CENPE: variants seen among roughly 807,000 people sequenced by gnomAD.
The protein encoded by CENPE is centromere protein E, also known as centromere-associated protein E.
CENPE carries 145 observed loss-of-function variants against 336.1 expected under a neutral mutation model. That is an observed-to-expected ratio of 0.43 (90% CI 0.38 to 0.50). The LOEUF (loss-of-function observed/expected upper bound fraction) is 0.50, where lower values mean the gene tolerates loss of function less well. Ranked by LOEUF, CENPE falls within the 20% of genes least tolerant of loss-of-function variation. The probability of loss-of-function intolerance (pLI) is 0.00; values close to 1 mark genes in which losing one functional copy is unlikely to be tolerated. For missense variants in CENPE, 2,719 were observed against 3,023.3 expected, an observed-to-expected ratio of 0.90 and a Z score of 2.36; for synonymous variants, 1,013 against 984.8, an observed-to-expected ratio of 1.03 and a Z score of -0.54.
At chr4:103,136,380 C>T (rs747705271) in intron 39 of CENPE, 21 bp from the exon 40 acceptor site, 2 of 1,521,234 alleles carry the variant, frequency 1.3e-6, no homozygotes, top group South Asian at 1.2e-5. Flanking sequence ...TGAGAATTCA[C>T]TCAATTTATA....
chr4:103,157,059 C>CAAAAAAAAAAAAAAAAAAAAAA (rs34199706), intron 24 of CENPE, among the ~76,000 whole-genome samples: 1 of 98,038 alleles, frequency 1.0e-5, no homozygotes. Flanking sequence ...TGGCTACTAT[C>CAAAAAAAAAAAAAAAAAAAAAA]AAAAAAAAAA....
At chr4:103,176,082 A>G in intron 14 of CENPE, 34 bp from the exon 15 acceptor site, 4 of 1,310,190 alleles carry the variant, frequency 3.1e-6, no homozygotes, top group Non-Finnish European at 4.2e-6. Context: ...TTGTCCATGA[A>G]CATGTTTACC....
intron 14 of CENPE, among the ~76,000 whole-genome samples, chr4:103,176,554 T>C (rs1000004362): frequency 1.3e-5 from 2 of 152,048 alleles, no homozygotes; most frequent in Admixed American, 1.3e-4. Context: ...GATTACTTTC[T>C]ATTTATTTAT....
At chr4:103,139,280 T>C (rs538069854) in intron 38 of CENPE, among the ~76,000 whole-genome samples, 3 of 152,328 alleles carry the variant, frequency 2.0e-5, no homozygotes, top group African/African-American at 7.2e-5. Context: ...GTCTGAACTC[T>C]GTTACTTTCA....
chr4:103,106,838 C>G (rs1019402712), intron 48 of CENPE, among the ~76,000 whole-genome samples: 2 of 151,918 alleles, frequency 1.3e-5, no homozygotes, highest in African/African-American at 2.4e-5. Context: ...ATTTAGATTA[C>G]CTTTTATAAT....
rs989139540 is a variant in CENPE, at chr4:103,139,681, T to A, written c.6204+108A>T. ...AGAGTAACCATTTCCCACTGTCCTT[T>A]ACTGTTCATAGGAATTTCCAGAGAA... On this transcript the variant is annotated intron_variant, in intron 38 of 48. Transcript: ENST00000265148. The A allele has an allele frequency of 3.7e-6, 4 of 1,071,620 alleles. No homozygotes were observed. The African/African-American group carries it at 6.4e-5, about 17-fold the overall frequency. The allele number at this position is 1,071,620 out of a possible 1,614,324, so 66.4% of individuals were successfully genotyped here. A position where few individuals can be genotyped will look rare whatever the true frequency, so the allele number is the denominator to read the frequency against.
chr4:103,170,342 A>T (rs1442604717), intron 16 of CENPE, among the ~76,000 whole-genome samples: 1 of 152,232 alleles, frequency 6.6e-6, no homozygotes, highest in Non-Finnish European at 1.5e-5. Context: ...GTGCAATGAT[A>T]TAGTAAAAGT....
In CENPE at chr4:103,175,968, G is replaced by A. The variant is rs371210657; in HGVS notation, c.1471C>T (p.Leu491=). 1 of 1,588,380 alleles carries A rather than the reference G, an allele frequency of 6.3e-7. No individual in the cohort carries two copies. Among genetic ancestry groups the A allele is most frequent in the Non-Finnish European group, 8.6e-7 (1 of 1,160,652 alleles). The part of the protein sequence containing the change: ...EIEWNPATKL[L]NQENIESELN... Reference sequence around the variant, plus strand: ...AAAATACATTAAGTTACCTGATTTAGTAGCTTTGTTGCTGGATTCCATTCT... The same window carrying A: ...AAAATACATTAAGTTACCTGATTTAATAGCTTTGTTGCTGGATTCCATTCT... The change falls in exon 15 of 49, where the codon CTA becomes TTA. Residue 491 remains leucine, a synonymous_variant. Coordinates refer to ENST00000265148, the MANE Select transcript of CENPE (RefSeq NM_001813.3).
At chr4:103,127,096 A>AT (rs1259204182) in intron 42 of CENPE, among the ~76,000 whole-genome samples, 40 of 140,064 alleles carry the variant, frequency 2.9e-4, no homozygotes, top group African/African-American at 9.0e-4. Context: ...CGGGACAAAT[A>AT]TAAAAAAAAA....
rs1391440162 is a variant in CENPE at position 103,149,169 on chromosome 4, A to C, written c.3636T>G (p.Phe1212Leu). 1 of 1,609,082 alleles carries C rather than the reference A, an allele frequency of 6.2e-7. No individual in the cohort carries two copies. Among genetic ancestry groups the C allele is most frequent in the Non-Finnish European group, 8.5e-7 (1 of 1,179,326 alleles). The change falls in exon 27 of 49, where the codon TTT (phenylalanine) becomes TTG (leucine). Residue 1212 changes from phenylalanine to leucine, a missense_variant. Physicochemically the swap from Phe to Leu is conservative, Grantham distance 22. Coordinates refer to ENST00000265148, the MANE Select transcript of CENPE (RefSeq NM_001813.3). ...CTCTAAGGTGGTCTCTCTCTGTTTCAAATGACTTCTGTAATTCCTTTAGAA... is the reference window on the plus strand; with the variant it reads ...CTCTAAGGTGGTCTCTCTCTGTTTCCAATGACTTCTGTAATTCCTTTAGAA... ...RKVLKELQKS[F>L]ETERDHLRGY...
rs111672963 is a variant in CENPE, at chr4:103,162,888, G to T, written c.1842+249C>A. ...ACTTACTGATTTTTAATGGGAGCCT[G>T]TCCTTAACTTCCTTATATTTACTCA... On this transcript the variant is annotated intron_variant, in intron 18 of 48. Coordinates refer to ENST00000265148, the MANE Select transcript of CENPE (RefSeq NM_001813.3). Among the ~76,000 whole-genome samples, 515 of 152,200 alleles carry T rather than the reference G, an allele frequency of 3.4e-3. 4 individuals are homozygous for T. Among genetic ancestry groups the T allele is most frequent in the African/African-American group, 0.012 (491 of 41,546 alleles).
At chr4:103,143,441 G>T (rs1752735093) in intron 33 of CENPE, 35 bp from the exon 34 acceptor site, 1 of 1,359,658 alleles carries the variant, frequency 7.4e-7, no homozygotes, top group African/African-American at 1.4e-5. Flanking sequence ...AATACATTGA[G>T]AGTAGTACCA....
rs552587546 is a variant in CENPE at position 103,139,718 on chromosome 4, C to T, written c.6204+71G>A. 3.0e-6 allele frequency: 4 copies of T among 1,328,686 alleles called. No homozygotes were observed. In the African/African-American group the frequency reaches 5.9e-5, roughly 20 times the overall value. 82.3% of individuals were successfully genotyped at this position (1,328,686 alleles called of 1,614,324 possible). On this transcript the variant is annotated intron_variant, in intron 38 of 48. Transcript: ENST00000265148. The stretch of plus-strand genomic sequence containing the variant: ...GAATTTCCAGAGAAAGAAATAAAAA[C>T]ATTGTAATTCTTTTCAAAAAAGCTT...
At position 103,181,364 on chromosome 4, in the gene CENPE, T is replaced by G; in HGVS notation, c.1056A>C (p.Ile352=). ...CCTCTAATTGTTTTTTAAGATCCAT[T>G]ATTTCTTTTCTATACCTTTTCAGGA... is the stretch of plus-strand genomic sequence containing the variant. ...EALLKRYRKE[I]MDLKKQLEEV... The change falls in exon 12 of 49, where the codon ATA becomes ATC. Residue 352 remains isoleucine, a synonymous_variant. Transcript: ENST00000265148. 4 of 1,547,394 alleles carry G rather than the reference T, an allele frequency of 2.6e-6. No individual in the cohort carries two copies. The highest frequency in any genetic ancestry group is 3.5e-6 in the Non-Finnish European group (4 of 1,139,352).
chr4:103,131,544 C>T (rs997387450), intron 42 of CENPE, among the ~76,000 whole-genome samples: 1 of 152,178 alleles, frequency 6.6e-6, no homozygotes, highest in African/African-American at 2.4e-5. Context: ...GACTGTCTGG[C>T]AGTTTATTAC....
intron 43 of CENPE, among the ~76,000 whole-genome samples, chr4:103,121,479 T>C (rs1750613523): frequency 6.6e-6 from 1 of 152,096 alleles, no homozygotes; most frequent in African/African-American, 2.4e-5. Flanking sequence ...GAATCCAGCC[T>C]TACTTTTTTC....
At chr4:103,109,634 A>T (rs754885237) in intron 47 of CENPE, among the ~76,000 whole-genome samples, 3 of 152,120 alleles carry the variant, frequency 2.0e-5, no homozygotes, top group Non-Finnish European at 4.4e-5. Context: ...CTCTTGATAC[A>T]CTCTCATCCT....
At chr4:103,112,172 A>G (rs1238705371) in intron 46 of CENPE, among the ~76,000 whole-genome samples, 1 of 150,268 alleles carries the variant, frequency 6.7e-6, no homozygotes, top group Non-Finnish European at 1.5e-5. Context: ...ATATATGTGT[A>G]TACACTTATA....
At chr4:103,180,535 C>A in intron 12 of CENPE, 66 bp from the exon 13 acceptor site, 1 of 1,019,614 alleles carries the variant, frequency 9.8e-7, no homozygotes, top group Non-Finnish European at 1.4e-6. Context: ...CTTAAAGTAG[C>A]ATAAAAGAAT....
Sources: gnomAD v4.1 joint callset for allele counts (sites outside exome capture counted in the v4.1 genomes callset) on GRCh38, gnomAD v4.1.1 for gene constraint, MANE v1.5 for transcripts, NCBI Gene and HGNC (gene_info 2026-07-23, HGNC 2026-07-21) for gene names.